Variants in PANX1 observed in about 807,000 individuals in gnomAD.
PANX1 encodes pannexin 1.
Under a neutral mutation model 38.7 loss-of-function variants are expected in PANX1, and 30 were observed. That is an observed-to-expected ratio of 0.78 (90% CI 0.58 to 1.05). The LOEUF is 1.05. Among genes scored for constraint, PANX1 ranks in the 50% least tolerant of loss-of-function variants. The pLI, the probability that PANX1 is intolerant of heterozygous loss-of-function variation, is 0.00. For synonymous variants in PANX1, 230 were observed against 212.2 expected, an observed-to-expected ratio of 1.08 and a Z score of -0.73; for missense variants, 551 against 517.2, an observed-to-expected ratio of 1.07 and a Z score of -0.63.
intron 2 of PANX1, among the ~76,000 whole-genome samples, chr11:94,162,671 G>A (rs1947058238): frequency 6.6e-6 from 1 of 152,136 alleles, no homozygotes; most frequent in African/African-American, 2.4e-5. Context: ...CTTCCCGGGT[G>A]AGGTGATGCC....
chr11:94,146,092 A>G (rs1277569906), intron 1 of PANX1, among the ~76,000 whole-genome samples: 1 of 152,206 alleles, frequency 6.6e-6, no homozygotes, highest in Non-Finnish European at 1.5e-5. Context: ...TGGAAACAGA[A>G]AGTAGACGAC....
chr11:94,141,026 A>G (rs1451050137), intron 1 of PANX1, among the ~76,000 whole-genome samples: 2 of 152,196 alleles, frequency 1.3e-5, no homozygotes, highest in Non-Finnish European at 2.9e-5. Flanking sequence ...ACTGCACTGC[A>G]TACACTCATG....
chr11:94,150,380 A>G (rs1946870222), intron 1 of PANX1, among the ~76,000 whole-genome samples: 1 of 152,236 alleles, frequency 6.6e-6, no homozygotes, highest in Admixed American at 6.5e-5. Flanking sequence ...CAGGTGGAGA[A>G]GGGAGAGACT....
chr11:94,136,934 C>G (rs1046696393), intron 1 of PANX1, among the ~76,000 whole-genome samples: 1 of 151,936 alleles, frequency 6.6e-6, no homozygotes, highest in South Asian at 2.1e-4. Flanking sequence ...GGGGAGGCCT[C>G]GGGAAACACA....
At chr11:94,137,971 A>G (rs1946720909) in intron 1 of PANX1, among the ~76,000 whole-genome samples, 1 of 149,722 alleles carries the variant, frequency 6.7e-6, no homozygotes, top group Admixed American at 6.6e-5. Context: ...ACGTGTCAAA[A>G]TTTAACTGTT....
intron 2 of PANX1, 59 bp from the exon 3 acceptor site, chr11:94,178,310 G>A (rs1031119040): frequency 2.3e-5 from 30 of 1,289,086 alleles, no homozygotes; most frequent in Non-Finnish European, 3.2e-5. Context: ...ATCACTTGGC[G>A]CCATAGGTTA....
chr11:94,137,023 T>C (rs1215105657), intron 1 of PANX1, among the ~76,000 whole-genome samples: 1 of 151,518 alleles, frequency 6.6e-6, no homozygotes, highest in African/African-American at 2.4e-5. Context: ...GGGGAGGTGC[T>C]ACACATTTCT....
chr11:94,160,580 A>G (rs1306895640), intron 2 of PANX1, among the ~76,000 whole-genome samples: 1 of 152,062 alleles, frequency 6.6e-6, no homozygotes, highest in Non-Finnish European at 1.5e-5. Flanking sequence ...TTTGCTTGCT[A>G]GATCTTCCTC....
rs1947300168 is a variant in PANX1 at position 94,180,950 on chromosome 11, C to T, written c.*81C>T. The T allele has an allele frequency of 9.9e-6, 8 of 809,172 alleles. No individual in the cohort carries two copies. Among genetic ancestry groups the T allele is most frequent in the South Asian group, 9.7e-5 (7 of 71,966 alleles). The allele number at this position is 809,172 out of a possible 1,614,324, so 50.1% of individuals were successfully genotyped here. ...GGCTAAAGCACCCCTGTTGGTTTCA[C>T]AGCTGGTTTGCAATAAATGGTTCTT... is the stretch of plus-strand genomic sequence containing the variant. On this transcript the variant is annotated 3_prime_UTR_variant, in exon 5 of 5. Transcript: ENST00000227638.
At chr11:94,160,143 T>TC (rs561656798) in intron 2 of PANX1, among the ~76,000 whole-genome samples, 8,431 of 152,092 alleles carry the variant, frequency 0.055, 800 homozygotes, top group African/African-American at 0.19. Flanking sequence ...GTGCTTTACT[T>TC]CAACTATGTG....
At chr11:94,153,998 A>G (rs1188984472) in intron 2 of PANX1, among the ~76,000 whole-genome samples, 1 of 152,216 alleles carries the variant, frequency 6.6e-6, no homozygotes, top group Non-Finnish European at 1.5e-5. Flanking sequence ...GGATTCATGC[A>G]TAGCTTCTCA....
At chr11:94,140,199 A>G (rs1360798786) in intron 1 of PANX1, among the ~76,000 whole-genome samples, 1 of 152,250 alleles carries the variant, frequency 6.6e-6, no homozygotes, top group Admixed American at 6.5e-5. Flanking sequence ...TGGGTACCCC[A>G]TGGCTGTCCT....
chr11:94,179,448 T>C (rs993189851), intron 3 of PANX1, among the ~76,000 whole-genome samples, 154 bp from the exon 4 acceptor site: 2 of 152,204 alleles, frequency 1.3e-5, no homozygotes, highest in Non-Finnish European at 1.5e-5. Flanking sequence ...TTCCTCCTCT[T>C]TTAAACGGAT....
At position 94,179,650 on chromosome 11, in the gene PANX1, G is replaced by T; in HGVS notation, c.594G>T (p.Gln198His). Residue 198 changes from glutamine (Q) to histidine (H), a missense_variant, in exon 4 of 5, where the codon CAG (glutamine) becomes CAT (histidine). Coordinates refer to ENST00000227638, the MANE Select transcript of PANX1 (RefSeq NM_015368.4). The part of the protein sequence containing the change: ...ESHFKYPIVE[Q>H]YLKTKKNSNN... ...ACTTCAAGTACCCAATTGTGGAGCA[G>T]TACTTGAAGACAAAGAAAAATTCTA... 1 of 1,613,568 alleles carries T rather than the reference G, an allele frequency of 6.2e-7. No individual in the cohort carries two copies. The highest frequency in any genetic ancestry group is 8.5e-7 in the Non-Finnish European group (1 of 1,179,722).
At chr11:94,130,274 C>T (rs1946612903) in intron 1 of PANX1, among the ~76,000 whole-genome samples, 1 of 152,122 alleles carries the variant, frequency 6.6e-6, no homozygotes, top group Admixed American at 6.5e-5. Context: ...AGAGAGAGGA[C>T]CCAGTGCGGC....
At position 94,178,698 on chromosome 11, in the gene PANX1, G is replaced by A. The variant is rs1006863051; in HGVS notation, c.545+106G>A. On this transcript the variant is annotated intron_variant, in intron 3 of 4. Transcript: ENST00000227638. Reference sequence around the variant, plus strand: ...TTCTCATTGCTAGGAGGCGGGGCAGGAGTGGAAGCAGGGGGACGTCATGCA... The same window carrying A: ...TTCTCATTGCTAGGAGGCGGGGCAGAAGTGGAAGCAGGGGGACGTCATGCA... The A allele has an allele frequency of 7.3e-6, 6 of 825,734 alleles. No homozygotes were observed. In the African/African-American group the frequency reaches 1.0e-4, roughly 14 times the overall value. 51.2% of individuals were successfully genotyped at this position (825,734 alleles called of 1,614,324 possible). A position where few individuals can be genotyped will look rare whatever the true frequency, so the allele number is the denominator to read the frequency against.
intron 2 of PANX1, among the ~76,000 whole-genome samples, chr11:94,171,826 C>T (rs778069579): frequency 1.3e-5 from 2 of 150,604 alleles, no homozygotes; most frequent in African/African-American, 2.5e-5. Context: ...CACTGTGAGG[C>T]CTTTGCTGGA....
intron 2 of PANX1, among the ~76,000 whole-genome samples, chr11:94,175,150 T>C (rs188723792): frequency 4.6e-5 from 7 of 151,904 alleles, no homozygotes; most frequent in African/African-American, 1.7e-4. Context: ...CTGCAGCTTT[T>C]CCATATTTCT....
intron 1 of PANX1, among the ~76,000 whole-genome samples, chr11:94,152,477 A>T (rs73512258): frequency 0.055 from 8,446 of 152,240 alleles, 809 homozygotes; most frequent in African/African-American, 0.19. Flanking sequence ...CCAGGCTGTG[A>T]TGGATGTGGA....
Sources: allele counts gnomAD v4.1 joint callset (sites outside exome capture counted in the v4.1 genomes callset), GRCh38; gene constraint gnomAD v4.1.1; transcripts MANE v1.5; gene names NCBI Gene and HGNC (gene_info 2026-07-23, HGNC 2026-07-21).